The following CACNA1C variants were observed in gnomAD, a reference collection of about 807,000 sequenced individuals.
CACNA1C encodes the protein voltage-dependent L-type calcium channel subunit alpha-1C.
Under a neutral mutation model 229.0 loss-of-function variants are expected in CACNA1C, and 30 were observed. That is an observed-to-expected ratio of 0.13 (90% CI 0.10 to 0.18). The LOEUF is 0.18. Among genes scored for constraint, CACNA1C ranks in the 10% least tolerant of loss-of-function variants. CACNA1C has a pLI of 1.00. For missense variants in CACNA1C, 1,658 were observed against 2,845.0 expected (o/e 0.58, Z 9.49); for synonymous variants, 1,114 against 1,132.5 (o/e 0.98, Z 0.33).
intron 3 of CACNA1C, among the ~76,000 whole-genome samples, chr12:2,439,794 T>C (rs2154560783): frequency 6.6e-6 from 1 of 152,268 alleles, no homozygotes; most frequent in East Asian, 1.9e-4. Context: ...AATTGCTGCT[T>C]GCCCTCAATA....
intron 3 of CACNA1C, among the ~76,000 whole-genome samples, chr12:2,125,359 T>A (rs2089571600): frequency 6.6e-6 from 1 of 152,114 alleles, no homozygotes; most frequent in Non-Finnish European, 1.5e-5. Flanking sequence ...GGCCCTGAAG[T>A]AGTAGGTGCA....
chr12:2,608,751 CG>C lies in CACNA1C; in HGVS notation c.3558+41del. The C allele has an allele frequency of 6.2e-7, 1 of 1,605,524 alleles. No homozygotes were observed. Among genetic ancestry groups the C allele is most frequent in the Non-Finnish European group, 8.5e-7 (1 of 1,174,558 alleles). On this transcript the variant is annotated intron_variant, in intron 27 of 46. Coordinates refer to ENST00000399655, the MANE Select transcript of CACNA1C (RefSeq NM_000719.7). The surrounding 1 kb of genome is among the most constrained non-coding windows in gnomAD (Gnocchi z 4.2). ...AAGGAGCGGAGGGAAGCGGGGCCCACGGAGGGAATGGCAGCCTGCGGCCCAC... is the reference window on the plus strand; with the variant it reads ...AAGGAGCGGAGGGAAGCGGGGCCCACGAGGGAATGGCAGCCTGCGGCCCAC...
At position 2,410,953 on chromosome 12, in the gene CACNA1C, C is replaced by G. The variant is rs1399496892; in HGVS notation, c.478-38023C>G. ...TGACATGGATTTTTCTCTCATCTTTCTCTCCCTACTCCCCTTGCAGCATGA... is the reference window on the plus strand; with the variant it reads ...TGACATGGATTTTTCTCTCATCTTTGTCTCCCTACTCCCCTTGCAGCATGA... On this transcript the variant is annotated intron_variant, in intron 3 of 46. Coordinates refer to ENST00000399655, the MANE Select transcript of CACNA1C (RefSeq NM_000719.7). The surrounding 1 kb of genome is among the most constrained non-coding windows in gnomAD (Gnocchi z 5.3). Among the ~76,000 whole-genome samples the G allele has an allele frequency of 6.6e-6, 1 of 152,082 alleles. No individual in the cohort carries two copies. Among genetic ancestry groups the G allele is most frequent in the Non-Finnish European group, 1.5e-5 (1 of 68,024 alleles).
chr12:2,639,726 T>G lies in CACNA1C; in HGVS notation c.3912+5346T>G, dbSNP rs569182295. 1.3e-5 allele frequency among the ~76,000 whole-genome samples: 2 copies of G among 152,144 alleles called. No individual in the cohort carries two copies. The highest frequency in any genetic ancestry group is 2.9e-5 in the Non-Finnish European group (2 of 68,022). ...TGCTGGGTTCTGAGGTGGTGTTTCC[T>G]GTCATCAGGCGCCCATGGTGTCATG... On this transcript the variant is annotated intron_variant, in intron 30 of 46. Coordinates refer to ENST00000399655, the MANE Select transcript of CACNA1C (RefSeq NM_000719.7). This position sits in a 1 kb window ranked among gnomAD's most constrained non-coding sequence, Gnocchi z 4.2.
chr12:2,519,004 A>G (rs907477708), intron 9 of CACNA1C, among the ~76,000 whole-genome samples: 1 of 152,174 alleles, frequency 6.6e-6, no homozygotes, highest in African/African-American at 2.4e-5. Context: ...CAGCACTCAA[A>G]CCCAGGGCTC....
chr12:2,040,530 G>T (rs1401274793), intron 1 of CACNA1C, among the ~76,000 whole-genome samples: 2 of 152,166 alleles, frequency 1.3e-5, no homozygotes, highest in Non-Finnish European at 2.9e-5. Flanking sequence ...GGGTGATGTG[G>T]AGATGTCGAA....
intron 5 of CACNA1C, among the ~76,000 whole-genome samples, chr12:2,458,936 A>G (rs543543682): frequency 6.6e-6 from 1 of 151,448 alleles, no homozygotes; most frequent in Non-Finnish European, 1.5e-5. Flanking sequence ...CTTTTAAAGA[A>G]TTAAGTGGTA....
intron 1 of CACNA1C, among the ~76,000 whole-genome samples, chr12:2,082,003 A>G (rs572041217): frequency 1.3e-5 from 2 of 152,110 alleles, no homozygotes; most frequent in South Asian, 2.1e-4. Flanking sequence ...GAAAAAGGTA[A>G]CGCTGCCATT....
At chr12:2,081,629 G>T (rs1696841909) in intron 1 of CACNA1C, among the ~76,000 whole-genome samples, 1 of 151,940 alleles carries the variant, frequency 6.6e-6, no homozygotes, top group African/African-American at 2.4e-5. Flanking sequence ...TACCTCTAAA[G>T]TGATCTGTGC....
intron 4 of CACNA1C, 97 bp from the exon 5 acceptor site, chr12:2,457,470 G>T (rs1008985906): frequency 7.4e-7 from 1 of 1,352,768 alleles, no homozygotes; most frequent in Admixed American, 2.2e-5. Context: ...AGACGCCTGC[G>T]CAATCTGCTT....
intron 30 of CACNA1C, among the ~76,000 whole-genome samples, chr12:2,636,466 C>T (rs1412842736): frequency 3.3e-5 from 5 of 152,262 alleles, no homozygotes. Context: ...ACCCGTCCAG[C>T]AGCTCCTGAC....
intron 3 of CACNA1C, among the ~76,000 whole-genome samples, chr12:2,344,458 T>C (rs894387024): frequency 1.3e-5 from 2 of 152,108 alleles, no homozygotes; most frequent in Non-Finnish European, 1.5e-5. Context: ...CCCTCTCTTC[T>C]CTTATTAGGG....
intron 3 of CACNA1C, chr12:2,217,550 A>G (rs2060292300): frequency 6.6e-6 from 1 of 152,240 alleles, no homozygotes; most frequent in Non-Finnish European, 1.5e-5. Context: ...ATCTAGATGT[A>G]TTCTTTCTCT....
chr12:2,363,600 C>T (rs1377174991), intron 3 of CACNA1C, among the ~76,000 whole-genome samples: 3 of 152,146 alleles, frequency 2.0e-5, no homozygotes, highest in African/African-American at 7.2e-5. Context: ...CAGCCTCTGC[C>T]TCTCCCCACC....
At position 2,116,361 on chromosome 12, in the gene CACNA1C, T is replaced by C. The variant is rs374575712; in HGVS notation, c.371+816T>C. On this transcript the variant is annotated intron_variant, in intron 2 of 46. Coordinates refer to ENST00000399655, the MANE Select transcript of CACNA1C (RefSeq NM_000719.7). ...CATCAGAATCCTGGGGCTGTAGAAA[T>C]TGGGAAGGACTTTTTTTTTTTTTTT... Among the ~76,000 whole-genome samples the C allele has an allele frequency of 1.3e-4, 20 of 151,668 alleles. No homozygotes were observed. The East Asian group carries it at 2.5e-3, about 19-fold the overall frequency.
intron 3 of CACNA1C, among the ~76,000 whole-genome samples, chr12:2,433,483 C>T (rs2099106023): frequency 6.6e-6 from 1 of 152,226 alleles, no homozygotes; most frequent in Non-Finnish European, 1.5e-5. Context: ...ATCCATTCAT[C>T]CACCCATTCA....
At position 2,285,206 on chromosome 12, in the gene CACNA1C, A is replaced by G. The variant is rs1031322338; in HGVS notation, c.478-163770A>G. On this transcript the variant is annotated intron_variant, in intron 3 of 46. Transcript: ENST00000399655. The surrounding 1 kb of genome is among the most constrained non-coding windows in gnomAD (Gnocchi z 4.2). ...CAGGAATTTCCTCTTCCTTGGGTCA[A>G]GCGGGTGGGAAGGGCTCATGATTGC... 2.6e-5 allele frequency among the ~76,000 whole-genome samples: 4 copies of G among 152,142 alleles called. No homozygotes were observed. Among genetic ancestry groups the G allele is most frequent in the African/African-American group, 9.7e-5 (4 of 41,426 alleles).
intron 5 of CACNA1C, among the ~76,000 whole-genome samples, chr12:2,466,492 T>C (rs1218759778): frequency 6.6e-6 from 1 of 152,234 alleles, no homozygotes; most frequent in East Asian, 1.9e-4. Flanking sequence ...CTGACATATC[T>C]TGGAGTCCCA....
intron 3 of CACNA1C, among the ~76,000 whole-genome samples, chr12:2,233,853 G>T (rs1394922864): frequency 2.6e-5 from 4 of 152,178 alleles, no homozygotes; most frequent in Non-Finnish European, 5.9e-5. Flanking sequence ...GATCCCTTCA[G>T]CAAAGATTCT....
Sources: allele counts gnomAD v4.1 joint callset (sites outside exome capture counted in the v4.1 genomes callset), GRCh38; gene constraint gnomAD v4.1.1; non-coding constraint Gnocchi (gnomAD v3.1); transcripts MANE v1.5; gene names NCBI Gene and HGNC (gene_info 2026-07-23, HGNC 2026-07-21).